The following MAN1C1 variants were observed in gnomAD, a reference collection of about 807,000 sequenced individuals.
MAN1C1 encodes mannosidase alpha class 1C member 1.
A neutral mutation model predicts 71.5 loss-of-function variants in MAN1C1; 49 were observed. The ratio of observed to expected loss-of-function variants is 0.69; its 90% CI spans 0.54 to 0.87. The LOEUF is 0.87. MAN1C1 is among the 40% of genes least tolerant of loss of function. The pLI, the probability that MAN1C1 is intolerant of heterozygous loss-of-function variation, is 0.00. For missense variants in MAN1C1, 743 were observed against 835.0 expected (o/e 0.89, Z 1.36); for synonymous variants, 352 against 343.7 (o/e 1.02, Z -0.27).
chr1:25,691,408 G>A (rs1444507761), intron 2 of MAN1C1, among the ~76,000 whole-genome samples: 2 of 152,212 alleles, frequency 1.3e-5, no homozygotes, highest in Non-Finnish European at 2.9e-5. Context: ...CCTTGGGCGA[G>A]TTTCTTAACT....
At chr1:25,672,906 C>G (rs1190310341) in intron 1 of MAN1C1, among the ~76,000 whole-genome samples, 1 of 152,094 alleles carries the variant, frequency 6.6e-6, no homozygotes, top group Non-Finnish European at 1.5e-5. Flanking sequence ...GTTGGAGGCT[C>G]TTACACAGAG....
intron 1 of MAN1C1, among the ~76,000 whole-genome samples, chr1:25,682,431 C>T (rs552422164): frequency 4.6e-5 from 7 of 152,316 alleles, no homozygotes; most frequent in South Asian, 2.1e-4. Flanking sequence ...GTGACCAGAG[C>T]GACTGTGCAC....
intron 2 of MAN1C1, among the ~76,000 whole-genome samples, chr1:25,728,498 G>A (rs1472269483): frequency 6.6e-6 from 1 of 152,210 alleles, no homozygotes; most frequent in African/African-American, 2.4e-5. Context: ...GATAAACCCA[G>A]AGACTTCAGT....
intron 6 of MAN1C1, chr1:25,763,570 A>T: frequency 3.4e-6 from 1 of 295,084 alleles, no homozygotes; most frequent in Non-Finnish European, 6.4e-6. Context: ...AAGTGTTGAG[A>T]GTTGGGTGGG....
In MAN1C1 at chr1:25,665,973, AAAGATAATT is replaced by A. The variant is rs574453164; in HGVS notation, c.541-20465_541-20457del. Among the ~76,000 whole-genome samples the A allele has an allele frequency of 3.7e-3, 550 of 148,556 alleles. 4 individuals carry two copies. Among genetic ancestry groups the A allele is most frequent in the African/African-American group, 0.013 (534 of 39,998 alleles). On this transcript the variant is annotated intron_variant, in intron 1 of 11. Coordinates refer to ENST00000374332, the MANE Select transcript of MAN1C1 (RefSeq NM_020379.4). ...AACTCCACAAAAGTGGCTATCGCTT[AAAGATAATT>A]ACATTCCACATTGTTCATGCTAAAC...
At chr1:25,752,428 A>C (rs1193319900) in intron 4 of MAN1C1, among the ~76,000 whole-genome samples, 2 of 152,130 alleles carry the variant, frequency 1.3e-5, no homozygotes, top group South Asian at 4.1e-4. Flanking sequence ...CGGCCTCCCA[A>C]AATGCTGGGA....
intron 1 of MAN1C1, among the ~76,000 whole-genome samples, chr1:25,667,894 T>C (rs2045945726): frequency 6.6e-6 from 1 of 152,176 alleles, no homozygotes; most frequent in Admixed American, 6.5e-5. Flanking sequence ...AGCTGCCTGA[T>C]TAATGCAAAC....
chr1:25,648,159 A>C (rs150579308), intron 1 of MAN1C1, among the ~76,000 whole-genome samples: 1 of 152,206 alleles, frequency 6.6e-6, no homozygotes, highest in Non-Finnish European at 1.5e-5. Context: ...TAGCAGTGCT[A>C]CCATCTCCTG....
chr1:25,740,386 C>T (rs969817553), intron 2 of MAN1C1, among the ~76,000 whole-genome samples: 10 of 152,006 alleles, frequency 6.6e-5, no homozygotes, highest in South Asian at 2.1e-4. Flanking sequence ...TGGGGGGTTT[C>T]GAGCAGAGGA....
In MAN1C1 at chr1:25,771,724, G is replaced by A. The variant is rs369759176; in HGVS notation, c.1209G>A (p.Ser403=). The change falls in exon 8 of 12, where the codon TCG becomes TCA. Residue 403 remains serine (S), a synonymous_variant. Transcript: ENST00000374332. ...YEYLIKSWLM[S]GKTDMEAKNM... ...ATTTGATCAAATCCTGGTTGATGTC[G>A]GGCAAGACAGATATGGAGGCTAAAA... The A allele has an allele frequency of 2.2e-5, 36 of 1,614,006 alleles. No individual in the cohort carries two copies. Among genetic ancestry groups the A allele is most frequent in the South Asian group, 1.5e-4 (14 of 91,092 alleles).
intron 2 of MAN1C1, among the ~76,000 whole-genome samples, chr1:25,704,776 C>A (rs2046496314): frequency 6.6e-6 from 1 of 152,212 alleles, no homozygotes. Flanking sequence ...AAAGAAAAAT[C>A]TGTTGTCATC....
chr1:25,746,803 C>CAGGG lies in MAN1C1; in HGVS notation c.753+20_753+21insAGGG. On this transcript the variant is annotated intron_variant, in intron 3 of 11. Coordinates refer to ENST00000374332, the MANE Select transcript of MAN1C1 (RefSeq NM_020379.4). This position sits in a 1 kb window ranked among gnomAD's most constrained non-coding sequence, Gnocchi z 4.0. ...AACGTGGTGAGTCAGAGGCCCTCGG[C>CAGGG]GGGGGAGGGGGGCGGGGGCCAGAAG... 1 of 303,318 alleles carries CAGGG rather than the reference C, an allele frequency of 3.3e-6. No homozygotes were observed. The allele number at this position is 303,318 out of a possible 1,614,324, so 18.8% of individuals were successfully genotyped here.
intron 4 of MAN1C1, among the ~76,000 whole-genome samples, chr1:25,752,425 C>T (rs757371642): frequency 6.6e-6 from 1 of 152,154 alleles, no homozygotes; most frequent in Non-Finnish European, 1.5e-5. Context: ...CTTCGGCCTC[C>T]CAAAATGCTG....
At chr1:25,710,674 C>T (rs2046601688) in intron 2 of MAN1C1, among the ~76,000 whole-genome samples, 1 of 152,128 alleles carries the variant, frequency 6.6e-6, no homozygotes, top group Non-Finnish European at 1.5e-5. Flanking sequence ...ATTCTAGAAC[C>T]TCAGAGGTAG....
intron 2 of MAN1C1, among the ~76,000 whole-genome samples, chr1:25,704,156 G>A (rs910236290): frequency 2.0e-5 from 3 of 152,164 alleles, no homozygotes; most frequent in African/African-American, 4.8e-5. Context: ...AATCTCTCCC[G>A]AGGCTGAGAA....
intron 1 of MAN1C1, among the ~76,000 whole-genome samples, chr1:25,669,618 A>C (rs2045968427): frequency 3.3e-5 from 5 of 152,076 alleles, no homozygotes; most frequent in Admixed American, 3.3e-4. Flanking sequence ...AAAAAATTGT[A>C]AAAATCAGCC....
intron 2 of MAN1C1, among the ~76,000 whole-genome samples, chr1:25,700,669 G>T (rs1470450659): frequency 6.6e-6 from 1 of 152,244 alleles, no homozygotes. Context: ...CTCTTTAAGT[G>T]TCTTCATAAA....
intron 2 of MAN1C1, among the ~76,000 whole-genome samples, chr1:25,702,486 C>G (rs944108286): frequency 1.3e-5 from 2 of 152,316 alleles, no homozygotes; most frequent in African/African-American, 4.8e-5. Flanking sequence ...GCCCATCCCC[C>G]CAAAACATAC....
Position 25,782,646 on chromosome 1 carries a change from G to A in MAN1C1, c.1712G>A (p.Ser571Asn). Reference protein sequence around the residue: ...GFSGIQDVYSSTPNHDNKQQS... With the variant: ...GFSGIQDVYSNTPNHDNKQQS... ...TCTGGGATCCAAGACGTGTACAGTAGCACCCCCAACCACGACAACAAGCAG... is the reference window on the plus strand; with the variant it reads ...TCTGGGATCCAAGACGTGTACAGTAACACCCCCAACCACGACAACAAGCAG... Residue 571 changes from serine (S) to asparagine (N), a missense_variant, in exon 11 of 12, where the codon AGC becomes AAC. By Grantham distance (46) the Ser-to-Asn change is conservative. Coordinates refer to ENST00000374332, the MANE Select transcript of MAN1C1 (RefSeq NM_020379.4). This position sits in a 1 kb window ranked among gnomAD's most constrained non-coding sequence, Gnocchi z 4.4. 1.2e-6 allele frequency: 2 copies of A among 1,614,120 alleles called. No individual in the cohort carries two copies. The highest frequency in any genetic ancestry group is 1.7e-6 in the Non-Finnish European group (2 of 1,180,014).
Sources: gnomAD v4.1 joint callset for allele counts (sites outside exome capture counted in the v4.1 genomes callset) on GRCh38, gnomAD v4.1.1 for gene constraint, Gnocchi (gnomAD v3.1) non-coding constraint, MANE v1.5 for transcripts, NCBI Gene and HGNC (gene_info 2026-07-23, HGNC 2026-07-21) for gene names.